The following DPH6 variants were observed in gnomAD, a reference collection of about 807,000 sequenced individuals.
DPH6 encodes diphthine--ammonia ligase.
A neutral mutation model predicts 38.2 loss-of-function variants in DPH6; 33 were observed. The ratio of observed to expected loss-of-function variants is 0.86; its 90% CI spans 0.65 to 1.15. The LOEUF is 1.15. Among genes scored for constraint, DPH6 ranks in the 50% most tolerant of loss-of-function variants. The pLI, the probability that DPH6 is intolerant of heterozygous loss-of-function variation, is 0.00. For synonymous variants in DPH6, 108 were observed against 103.0 expected (o/e 1.05, Z -0.30); for missense variants, 325 against 320.0 (o/e 1.02, Z -0.12).
At chr15:35,275,045 G>C (rs560992086) in intron 3 of DPH6, among the ~76,000 whole-genome samples, 2 of 152,046 alleles carry the variant, frequency 1.3e-5, no homozygotes, top group Admixed American at 1.3e-4. Context: ...CTCCTGAGTA[G>C]CTGGGACTAC....
chr15:35,362,671 G>C (rs548264512), intron 3 of DPH6, among the ~76,000 whole-genome samples: 214 of 152,296 alleles, frequency 1.4e-3, no homozygotes, highest in Non-Finnish European at 2.4e-3. Context: ...GAGTTGGAAT[G>C]TACCTTTAAC....
intron 6 of DPH6, among the ~76,000 whole-genome samples, chr15:35,409,242 G>A (rs957642295): frequency 1.3e-5 from 2 of 151,856 alleles, no homozygotes; most frequent in East Asian, 1.9e-4. Context: ...TATTTCCTCT[G>A]TGAAGGAAGA....
At chr15:35,218,437 T>C (rs1282527076) in exon 4 of DPH6, 2 of 152,170 alleles carry the variant, frequency 1.3e-5, no homozygotes, top group Non-Finnish European at 2.9e-5. Flanking sequence ...ATAACTACCA[T>C]TATGTTCAGT....
the DPH6 span, among the ~76,000 whole-genome samples, chr15:35,198,027 A>T: frequency 9.2e-5 from 14 of 152,104 alleles, no homozygotes; most frequent in East Asian, 2.3e-3. Flanking sequence ...TATTTTATAT[A>T]AAAAAAAGAA....
At chr15:35,251,806 G>A (rs757646976) in intron 3 of DPH6, among the ~76,000 whole-genome samples, 10 of 152,152 alleles carry the variant, frequency 6.6e-5, no homozygotes, top group African/African-American at 9.7e-5. Flanking sequence ...CACTGGCCTC[G>A]CTCATTCAAT....
intron 3 of DPH6, chr15:35,237,439 A>T (rs1378435510): frequency 6.2e-7 from 1 of 1,604,976 alleles, no homozygotes; most frequent in African/African-American, 1.3e-5. Flanking sequence ...AAGGCCTCAC[A>T]GATGAATCTG....
intron 5 of DPH6, among the ~76,000 whole-genome samples, chr15:35,433,755 T>TA (rs2053660241): frequency 6.6e-6 from 1 of 152,200 alleles, no homozygotes; most frequent in Non-Finnish European, 1.5e-5. Context: ...ATTGAAGCTC[T>TA]AAAAAACTGC....
At chr15:35,278,531 C>T (rs1273177360) in intron 3 of DPH6, among the ~76,000 whole-genome samples, 1 of 152,188 alleles carries the variant, frequency 6.6e-6, no homozygotes, top group African/African-American at 2.4e-5. Context: ...TATACAGAGT[C>T]CCCACCAGGG....
intron 3 of DPH6, among the ~76,000 whole-genome samples, chr15:35,300,150 C>G: frequency 6.6e-6 from 1 of 151,904 alleles, no homozygotes. Context: ...GCTTGGCATG[C>G]TGAATGAACA....
rs1459056798 is a variant in DPH6, at chr15:35,370,947, A to G, written c.*1203T>C. ...ATGGAAGCAACTGAGATGTTCTTCA[A>G]TAGGTGCATGGACAAATGAAATGTG... is the stretch of plus-strand genomic sequence containing the variant. On this transcript the variant is annotated 3_prime_UTR_variant, in exon 9 of 9. Coordinates refer to ENST00000256538, the MANE Select transcript of DPH6 (RefSeq NM_080650.4). 1 of 151,730 alleles carries G rather than the reference A, an allele frequency of 6.6e-6. No individual in the cohort carries two copies. Among genetic ancestry groups the G allele is most frequent in the Non-Finnish European group, 1.5e-5 (1 of 67,726 alleles). 9.4% of individuals were successfully genotyped at this position (151,730 alleles called of 1,614,324 possible).
intron 6 of DPH6, among the ~76,000 whole-genome samples, chr15:35,405,030 T>C (rs2053273111): frequency 6.6e-6 from 1 of 152,142 alleles, no homozygotes; most frequent in Non-Finnish European, 1.5e-5. Flanking sequence ...AATGAATTTG[T>C]TACAGGTGTG....
intron 5 of DPH6, among the ~76,000 whole-genome samples, chr15:35,429,659 T>C (rs8034766): frequency 0.34 from 51,041 of 151,930 alleles, 10,113 homozygotes; most frequent in African/African-American, 0.56. Context: ...ATTTGTTTTA[T>C]CTTACCACCC....
the DPH6 span, among the ~76,000 whole-genome samples, chr15:35,171,531 A>G: frequency 6.6e-6 from 1 of 152,236 alleles, no homozygotes; most frequent in Non-Finnish European, 1.5e-5. Context: ...TTGCCAATAT[A>G]AACTAGGGGT....
chr15:35,262,683 G>A (rs1595451745), intron 3 of DPH6, among the ~76,000 whole-genome samples: 1 of 116,224 alleles, frequency 8.6e-6, no homozygotes, highest in African/African-American at 3.7e-5. Context: ...TCCAGCCTGC[G>A]AAACAGAGCA....
At chr15:35,250,833 G>C (rs78042821) in intron 3 of DPH6, among the ~76,000 whole-genome samples, 4,849 of 152,136 alleles carry the variant, frequency 0.032, 98 homozygotes, top group Middle Eastern at 0.044. Flanking sequence ...TAGGCAGAAA[G>C]GAAGCAAATT....
chr15:35,192,643 A>T, the DPH6 span, among the ~76,000 whole-genome samples: 1 of 152,184 alleles, frequency 6.6e-6, no homozygotes, highest in Non-Finnish European at 1.5e-5. Context: ...ATAATTTGGG[A>T]TTAAGCTTGA....
chr15:35,268,216 TAAAA>T (rs1282961581), intron 3 of DPH6, among the ~76,000 whole-genome samples: 10 of 123,136 alleles, frequency 8.1e-5, no homozygotes, highest in African/African-American at 1.8e-4. Context: ...AATAAATAAA[TAAAA>T]GAAAACTGAA....
Position 35,449,841 on chromosome 15 carries a change from C to T in DPH6, c.505+844G>A, listed in dbSNP as rs1156846428. The stretch of plus-strand genomic sequence containing the variant: ...ATGGAGAAATATTATGGGGTCTGTA[C>T]TATTTCTCTTAATTTTATTTAAAAA... On this transcript the variant is annotated intron_variant, in intron 5 of 8. Coordinates refer to ENST00000256538, the MANE Select transcript of DPH6 (RefSeq NM_080650.4). Among the ~76,000 whole-genome samples, 4 of 152,092 alleles carry T rather than the reference C, an allele frequency of 2.6e-5. No homozygotes were observed. The South Asian group carries it at 6.2e-4, about 24-fold the overall frequency.
intron 3 of DPH6, among the ~76,000 whole-genome samples, chr15:35,284,801 ATTTTTTTTTT>A (rs71123127): frequency 1.1e-4 from 9 of 79,216 alleles, no homozygotes; most frequent in Non-Finnish European, 1.5e-4. Context: ...AAGTCTCCAA[ATTTTTTTTTT>A]TTTTTTTTTT....
Sources: gnomAD v4.1 joint callset for allele counts (sites outside exome capture counted in the v4.1 genomes callset) on GRCh38, gnomAD v4.1.1 for gene constraint, MANE v1.5 for transcripts, NCBI Gene and HGNC (gene_info 2026-07-23, HGNC 2026-07-21) for gene names.